The following PHF11 variants were observed in gnomAD, a reference collection of about 807,000 sequenced individuals.
PHF11 encodes PHD finger protein 11.
PHF11 carries 38 observed loss-of-function variants against 40.5 expected under a neutral mutation model. That is an observed-to-expected ratio of 0.94 (90% CI 0.72 to 1.23). The LOEUF (loss-of-function observed/expected upper bound fraction) is 1.23. PHF11 is among the 50% of genes most tolerant of loss of function. The probability of loss-of-function intolerance (pLI) is 0.00; values close to 1 mark genes in which losing one functional copy is unlikely to be tolerated. For synonymous variants in PHF11, 127 were observed against 138.2 expected (o/e 0.92, Z 0.57); for missense variants, 369 against 392.4 (o/e 0.94, Z 0.50).
Position 49,509,276 on chromosome 13 carries a change from G to T in PHF11, c.216+2520G>T, listed in dbSNP as rs546610503. Among the ~76,000 whole-genome samples, 387 of 150,688 alleles carry T rather than the reference G, an allele frequency of 2.6e-3. 2 individuals carry two copies. The highest frequency in any genetic ancestry group is 8.7e-3 in the African/African-American group (358 of 40,958). On this transcript the variant is annotated intron_variant, in intron 2 of 9. Coordinates refer to ENST00000378319, the MANE Select transcript of PHF11 (RefSeq NM_001040443.3). ...GCCCCAGGCTGGAGTGCAATGGTGT[G>T]ATCTTGGCTCACTGCAACCTCCACT... is the stretch of plus-strand genomic sequence containing the variant.
In PHF11 at chr13:49,524,134, T is replaced by A; in HGVS notation, c.687T>A (p.Leu229=). 5.0e-6 allele frequency: 8 copies of A among 1,605,360 alleles called. No homozygotes were observed. The highest frequency in any genetic ancestry group is 1.7e-5 in the Admixed American group (1 of 59,572). Residue 229 remains leucine, a synonymous_variant, in exon 8 of 10, where the codon CTT becomes CTA. Transcript: ENST00000378319. ...PFLKKCKEAG[L]LNYLLEEILD... ...TTAAGAAATGCAAGGAAGCAGGACT[T>A]CTTAATTACTTACTTGAAGAAATAT...
At chr13:49,498,575 T>G (rs1469606781) in intron 1 of PHF11, among the ~76,000 whole-genome samples, 1 of 152,222 alleles carries the variant, frequency 6.6e-6, no homozygotes, top group African/African-American at 2.4e-5. Context: ...ATTCTGACAG[T>G]AACCTAGTAC....
intron 3 of PHF11, among the ~76,000 whole-genome samples, chr13:49,515,138 G>A (rs77873840): frequency 0.092 from 13,968 of 152,136 alleles, 846 homozygotes; most frequent in Non-Finnish European, 0.12. Flanking sequence ...TCCCTACTGG[G>A]AAGGCTTTGG....
In PHF11 at chr13:49,518,006, A is replaced by G. The variant is rs757969225; in HGVS notation, c.325-12A>G. The G allele has an allele frequency of 5.6e-6, 8 of 1,428,770 alleles. No individual in the cohort carries two copies. The highest frequency in any genetic ancestry group is 1.4e-5 in the African/African-American group (1 of 70,090). The allele number at this position is 1,428,770 out of a possible 1,614,324, so 88.5% of individuals were successfully genotyped here. A position where few individuals can be genotyped will look rare whatever the true frequency, so the allele number is the denominator to read the frequency against. ...AACAGGTACTTACTCAGTAAAATCT[A>G]TTCTTCTGTAGAAATGCAAATTTTG... On this transcript the variant is annotated splice_polypyrimidine_tract_variant and intron_variant, in intron 3 of 9. Transcript: ENST00000378319.
chr13:49,517,985 G>A (rs2139063082), intron 3 of PHF11, 33 bp from the exon 4 acceptor site: 1 of 1,155,366 alleles, frequency 8.7e-7, no homozygotes, highest in East Asian at 2.6e-5. Flanking sequence ...ACAACAAACA[G>A]GTACTTACTC....
At chr13:49,514,472 C>G (rs1236728567) in intron 3 of PHF11, among the ~76,000 whole-genome samples, 1 of 152,044 alleles carries the variant, frequency 6.6e-6, no homozygotes, top group East Asian at 1.9e-4. Context: ...CTGTGTGTGG[C>G]CCGGGCATGG....
At chr13:49,509,768 C>G (rs531023912) in intron 2 of PHF11, among the ~76,000 whole-genome samples, 1 of 152,132 alleles carries the variant, frequency 6.6e-6, no homozygotes, top group South Asian at 2.1e-4. Flanking sequence ...CTTTGCTCCC[C>G]CTTACCTTCT....
intron 4 of PHF11, among the ~76,000 whole-genome samples, chr13:49,519,494 G>A (rs1194643228): frequency 3.7e-4 from 57 of 152,012 alleles, no homozygotes; most frequent in Admixed American, 3.4e-3. Context: ...GAATTTTTAC[G>A]CATTTTTAAA....
At chr13:49,512,782 G>A in intron 2 of PHF11, among the ~76,000 whole-genome samples, 1 of 152,130 alleles carries the variant, frequency 6.6e-6, no homozygotes, top group East Asian at 1.9e-4. Flanking sequence ...TTAGGATAGG[G>A]GATCAGACTG....
At chr13:49,515,623 C>T (rs1488579404) in intron 3 of PHF11, among the ~76,000 whole-genome samples, 3 of 152,038 alleles carry the variant, frequency 2.0e-5, no homozygotes, top group East Asian at 3.8e-4. Context: ...CCCATGGGCA[C>T]GAACTCCTAG....
chr13:49,505,101 T>C (rs979430902), intron 1 of PHF11, among the ~76,000 whole-genome samples: 7 of 73,334 alleles, frequency 9.5e-5, no homozygotes, highest in African/African-American at 3.7e-4. Flanking sequence ...GAATGATAAA[T>C]AAAAAATAAA....
rs111919586 is a variant in PHF11, at chr13:49,501,076, C to T, written c.94+4981C>T. 3.8e-3 allele frequency among the ~76,000 whole-genome samples: 522 copies of T among 135,900 alleles called. 1 individual carries two copies. Among genetic ancestry groups the T allele is most frequent in the African/African-American group, 0.013 (477 of 35,786 alleles). 89.2% of individuals were successfully genotyped at this position (135,900 alleles called of 152,430 possible). A position where few individuals can be genotyped will look rare whatever the true frequency, so the allele number is the denominator to read the frequency against. ...TCGCCTAGGCTGGAGTGCAATGGTG[C>T]GATCTCGGCTCACCGCAACCTCCAC... On this transcript the variant is annotated intron_variant, in intron 1 of 9. Transcript: ENST00000378319.
rs1184333503 is a variant in PHF11, at chr13:49,523,224, A to G, written c.620A>G (p.Glu207Gly). 2 of 1,611,414 alleles carry G rather than the reference A, an allele frequency of 1.2e-6. No homozygotes were observed. The highest frequency in any genetic ancestry group is 4.5e-5 in the East Asian group (2 of 44,882). Residue 207 changes from glutamate (E) to glycine (G), a missense_variant, in exon 7 of 10, where the codon GAG becomes GGG. Transcript: ENST00000378319. ...ACATTCATAAGACAAGTGAAAGAAG[A>G]GCATGGCAGACACACAGGTTTGCGC... Reference protein sequence around the residue: ...CNTFIRQVKEEHGRHTDATVK... With the variant: ...CNTFIRQVKEGHGRHTDATVK...
At chr13:49,527,081 C>T (rs63399061) in intron 9 of PHF11, 3 of 40,720 alleles carry the variant, frequency 7.4e-5, no homozygotes, top group African/African-American at 1.9e-4. Context: ...AACAAACAAA[C>T]AAAAAATGAG....
At chr13:49,517,478 G>A (rs528298195) in intron 3 of PHF11, among the ~76,000 whole-genome samples, 55 of 152,304 alleles carry the variant, frequency 3.6e-4, no homozygotes, top group Non-Finnish European at 5.6e-4. Context: ...TAATAGAGTT[G>A]TAGAATTTTT....
At chr13:49,525,456 C>T (rs1001075734) in intron 8 of PHF11, among the ~76,000 whole-genome samples, 1 of 152,108 alleles carries the variant, frequency 6.6e-6, no homozygotes, top group Non-Finnish European at 1.5e-5. Flanking sequence ...CCATGTTGGC[C>T]AGGCTGGTCT....
chr13:49,517,609 C>T (rs909856838), intron 3 of PHF11, among the ~76,000 whole-genome samples: 1 of 152,080 alleles, frequency 6.6e-6, no homozygotes, highest in African/African-American at 2.4e-5. Context: ...AGAAATCACA[C>T]CACTCTCCGT....
At chr13:49,523,146 T>C (rs915082589) in intron 6 of PHF11, 29 bp from the exon 7 acceptor site, 4 of 1,384,208 alleles carry the variant, frequency 2.9e-6, no homozygotes, top group South Asian at 2.3e-5. Flanking sequence ...TTAAAATCAA[T>C]GTAATGCAAT....
intron 1 of PHF11, among the ~76,000 whole-genome samples, chr13:49,506,233 TAAAA>T (rs546735570): frequency 2.5e-5 from 3 of 120,584 alleles, no homozygotes; most frequent in Non-Finnish European, 3.6e-5. Flanking sequence ...CCCCGGTCTC[TAAAA>T]AAAAAAAAAA....
Sources: allele counts gnomAD v4.1 joint callset (sites outside exome capture counted in the v4.1 genomes callset), GRCh38; gene constraint gnomAD v4.1.1; transcripts MANE v1.5; gene names NCBI Gene and HGNC (gene_info 2026-07-23, HGNC 2026-07-21).